Variants in PGBD1 observed in about 807,000 individuals in gnomAD.
PGBD1 encodes the protein piggyBac transposable element derived 1, also known as piggyBac transposable element-derived protein 1.
In PGBD1, 25 loss-of-function variants were observed where a neutral mutation model predicts 34.7. That is an observed-to-expected ratio of 0.72 (90% CI 0.52 to 1.00). The LOEUF (loss-of-function observed/expected upper bound fraction) is 1.00, where lower values mean the gene tolerates loss of function less well. PGBD1 is among the 50% of genes least tolerant of loss of function. The probability of loss-of-function intolerance (pLI) is 0.00; values close to 1 mark genes in which losing one functional copy is unlikely to be tolerated. For missense variants in PGBD1, 830 were observed against 959.4 expected, an observed-to-expected ratio of 0.87 and a Z score of 1.78; for synonymous variants, 292 against 335.7, an observed-to-expected ratio of 0.87 and a Z score of 1.42.
intron 4 of PGBD1, among the ~76,000 whole-genome samples, chr6:28,293,746 C>T (rs1344453497): frequency 6.6e-6 from 1 of 152,164 alleles, no homozygotes; most frequent in Non-Finnish European, 1.5e-5. Flanking sequence ...AAATGTCAGA[C>T]CTAATCAATA....
intron 4 of PGBD1, among the ~76,000 whole-genome samples, chr6:28,289,902 T>G (rs1040536477): frequency 1.2e-4 from 19 of 152,248 alleles, no homozygotes; most frequent in Non-Finnish European, 2.6e-4. Flanking sequence ...TTTTTCTGTG[T>G]GTTTCTGCCT....
chr6:28,294,196 C>A (rs1273439651), intron 4 of PGBD1, among the ~76,000 whole-genome samples: 2 of 152,214 alleles, frequency 1.3e-5, no homozygotes, highest in Admixed American at 1.3e-4. Context: ...AAAGGCTAAT[C>A]CAGAGCACAT....
intron 1 of PGBD1, among the ~76,000 whole-genome samples, chr6:28,282,519 G>A (rs1305219925): frequency 1.3e-5 from 2 of 152,110 alleles, no homozygotes; most frequent in Non-Finnish European, 2.9e-5. Flanking sequence ...CAGGAATACC[G>A]TAACAGAACA....
intron 4 of PGBD1, among the ~76,000 whole-genome samples, chr6:28,294,849 T>C (rs1762580262): frequency 6.6e-6 from 1 of 152,226 alleles, no homozygotes; most frequent in Non-Finnish European, 1.5e-5. Context: ...GCCAATACAA[T>C]ACACATTCTG....
intron 3 of PGBD1, 78 bp from the exon 4 acceptor site, chr6:28,287,002 G>A (rs1010771245): frequency 1.8e-5 from 19 of 1,081,098 alleles, no homozygotes; most frequent in Middle Eastern, 2.0e-4. Context: ...ACATTTGGGG[G>A]AAAAGGCTGG....
chr6:28,295,743 G>A (rs1233019073), intron 4 of PGBD1, among the ~76,000 whole-genome samples: 1 of 152,178 alleles, frequency 6.6e-6, no homozygotes, highest in African/African-American at 2.4e-5. Context: ...CATGCACTCG[G>A]AAGCCAAGAA....
Position 28,301,663 on chromosome 6 carries a change from T to TGGAAATCTA in PGBD1, c.1811_1819dup (p.Gly604_Leu606dup). Reference sequence around the variant, plus strand: ...ATGAGGATCCTGATCTTGGGTTAGGTGGAAATCTAGTGATGAACTTCGCTG... The same window carrying TGGAAATCTA: ...ATGAGGATCCTGATCTTGGGTTAGGTGGAAATCTAGGAAATCTAGTGATGAACTTCGCTG... On this transcript the variant is annotated inframe_insertion, in exon 7 of 7. Coordinates refer to ENST00000682144, the MANE Select transcript of PGBD1 (RefSeq NM_032507.4). 6.2e-7 allele frequency: 1 copy of TGGAAATCTA among 1,614,152 alleles called. No individual in the cohort carries two copies. Among genetic ancestry groups the TGGAAATCTA allele is most frequent in the East Asian group, 2.2e-5 (1 of 44,880 alleles).
At position 28,301,230 on chromosome 6, in the gene PGBD1, G is replaced by A. The variant is rs1398718325; in HGVS notation, c.1376G>A (p.Cys459Tyr). ...SLEVTVQEMR[C>Y]VFGVLLLSGF... ...GAAGTCACAGTTCAGGAAATGAGGT[G>A]TGTGTTTGGTGTCTTACTTTTGAGT... The change falls in exon 7 of 7, where the codon TGT (cysteine) becomes TAT (tyrosine). Residue 459 changes from cysteine (C) to tyrosine (Y), a missense_variant. Cys to Tyr is a radical substitution (Grantham distance 194). Transcript: ENST00000682144. 1 of 1,614,180 alleles carries A rather than the reference G, an allele frequency of 6.2e-7. No homozygotes were observed. Among genetic ancestry groups the A allele is most frequent in the East Asian group, 2.2e-5 (1 of 44,878 alleles).
intron 4 of PGBD1, among the ~76,000 whole-genome samples, chr6:28,293,008 T>A (rs1449122481): frequency 2.0e-5 from 3 of 152,160 alleles, no homozygotes; most frequent in African/African-American, 7.2e-5. Context: ...AGTGGCGCGA[T>A]CTCAGCTCAC....
chr6:28,284,298 T>A, intron 2 of PGBD1, 89 bp downstream of exon 2: 1 of 1,336,740 alleles, frequency 7.5e-7, no homozygotes, highest in African/African-American at 1.5e-5. Context: ...AAATAACTCC[T>A]AATTTATAGA....
At chr6:28,288,389 G>T (rs1364421659) in intron 4 of PGBD1, among the ~76,000 whole-genome samples, 4 of 152,174 alleles carry the variant, frequency 2.6e-5, no homozygotes, top group African/African-American at 9.7e-5. Context: ...AACCTGGGAA[G>T]TCCAAGATCA....
chr6:28,295,413 AT>A (rs1370440114), intron 4 of PGBD1, among the ~76,000 whole-genome samples: 1 of 152,220 alleles, frequency 6.6e-6, no homozygotes. Context: ...GTAAAATGCT[AT>A]CAAACAACAT....
intron 5 of PGBD1, among the ~76,000 whole-genome samples, chr6:28,297,621 CA>C (rs142064620): frequency 0.08 from 12,228 of 152,148 alleles, 700 homozygotes; most frequent in African/African-American, 0.14. Context: ...CCAAAGCACC[CA>C]GCCTAATTTT....
Position 28,296,909 on chromosome 6 carries a change from T to C in PGBD1, c.736T>C (p.Ser246Pro), listed in dbSNP as rs1762659149. ...SLTRRNLCGNSAQETVMSLSP... is the reference protein window; with the variant it reads ...SLTRRNLCGNPAQETVMSLSP... ...GACTCGGAGGAACCTCTGTGGGAAC[T>C]CAGCTCAGGAGACAGTTATGAGCCT... Residue 246 changes from serine to proline, a missense_variant, in exon 5 of 7, where the codon TCA (serine) becomes CCA (proline). Coordinates refer to ENST00000682144, the MANE Select transcript of PGBD1 (RefSeq NM_032507.4). The C allele has an allele frequency of 1.2e-6, 2 of 1,614,178 alleles. No homozygotes were observed. The highest frequency in any genetic ancestry group is 2.7e-5 in the African/African-American group (2 of 75,052).
At chr6:28,297,845 T>TTTAAAATAAAAAAA in intron 5 of PGBD1, 50 bp from the exon 6 acceptor site, 1 of 283,634 alleles carries the variant, frequency 3.5e-6, no homozygotes, top group Non-Finnish European at 6.6e-6. Flanking sequence ...TTTTTTTTTT[T>TTTAAAATAAAAAAA]CAAAATTCAC....
Position 28,283,760 on chromosome 6 carries a change from CTA to C in PGBD1, c.-38-14_-38-13del, listed in dbSNP as rs1762196172. 5 of 1,506,954 alleles carry C rather than the reference CTA, an allele frequency of 3.3e-6. No homozygotes were observed. In the South Asian group the frequency reaches 4.0e-5, roughly 12 times the overall value. The allele number at this position is 1,506,954 out of a possible 1,614,324, so 93.3% of individuals were successfully genotyped here. A position where few individuals can be genotyped will look rare whatever the true frequency, so the allele number is the denominator to read the frequency against. On this transcript the variant is annotated splice_polypyrimidine_tract_variant and intron_variant, in intron 1 of 6. Coordinates refer to ENST00000682144, the MANE Select transcript of PGBD1 (RefSeq NM_032507.4). ...TGATAAATTCTTATGCCTCAGATCTCTATTTCTGAATATAGACCCCAAGCTAA... is the reference window on the plus strand; with the variant it reads ...TGATAAATTCTTATGCCTCAGATCTCTTTCTGAATATAGACCCCAAGCTAA...
intron 4 of PGBD1, 86 bp from the exon 5 acceptor site, chr6:28,296,730 C>A: frequency 6.7e-7 from 1 of 1,482,082 alleles, no homozygotes. Context: ...GACTACCGGT[C>A]TACAGCGTGG....
chr6:28,301,011 C>T lies in PGBD1; in HGVS notation c.1157C>T (p.Pro386Leu). Reference sequence around the variant, plus strand: ...AAGAAGTTAAAGGTATCATGTTTCCCAGAAAAGAGTTGGACCAAAAGAGAC... The same window carrying T: ...AAGAAGTTAAAGGTATCATGTTTCCTAGAAAAGAGTTGGACCAAAAGAGAC... ...AQKKLKVSCF[P>L]EKSWTKRDIK... The change falls in exon 7 of 7, where the codon CCA becomes CTA. Residue 386 changes from proline to leucine, a missense_variant. Pro to Leu is a moderately conservative substitution (Grantham distance 98). Around this residue, in one of 3 missense-constraint regions of PGBD1, gnomAD observed 457 missense variants for 515.4 expected, o/e 0.89. Transcript: ENST00000682144. 6.2e-7 allele frequency: 1 copy of T among 1,614,110 alleles called. No homozygotes were observed. The highest frequency in any genetic ancestry group is 8.5e-7 in the Non-Finnish European group (1 of 1,180,038).
At chr6:28,290,657 T>C (rs1270426543) in intron 4 of PGBD1, among the ~76,000 whole-genome samples, 1 of 152,192 alleles carries the variant, frequency 6.6e-6, no homozygotes, top group Non-Finnish European at 1.5e-5. Context: ...GCACATTCTT[T>C]TCATCAGCAC....
Sources: gnomAD v4.1 joint callset for allele counts (sites outside exome capture counted in the v4.1 genomes callset) on GRCh38, gnomAD v4.1.1 for gene constraint, gnomAD v4.1.1 regional missense constraint, MANE v1.5 for transcripts, NCBI Gene and HGNC (gene_info 2026-07-23, HGNC 2026-07-21) for gene names.